Variants in GRK5 observed in about 807,000 individuals in gnomAD.
The protein encoded by GRK5 is G protein-coupled receptor kinase 5.
In GRK5, 40 loss-of-function variants were observed where a neutral mutation model predicts 78.4. The observed-to-expected ratio is 0.51, with a 90% CI of 0.40 to 0.66. The LOEUF (loss-of-function observed/expected upper bound fraction) is 0.66. Among genes scored for constraint, GRK5 ranks in the 30% least tolerant of loss-of-function variants. The pLI is 0.00. For missense variants in GRK5, 598 were observed against 759.9 expected (o/e 0.79, Z 2.50); for synonymous variants, 289 against 296.8 (o/e 0.97, Z 0.27).
At chr10:119,305,780 T>C (rs1280941700) in intron 1 of GRK5, among the ~76,000 whole-genome samples, 1 of 152,226 alleles carries the variant, frequency 6.6e-6, no homozygotes, top group Non-Finnish European at 1.5e-5. Context: ...GGAGGAATTA[T>C]TTTGACAAAA....
chr10:119,263,622 A>G (rs1849446785), intron 1 of GRK5, among the ~76,000 whole-genome samples: 2 of 152,002 alleles, frequency 1.3e-5, no homozygotes, highest in South Asian at 4.1e-4. Context: ...CCTCTCCTCC[A>G]AGTATTAAAA....
chr10:119,430,495 G>A lies in GRK5; in HGVS notation c.597+57G>A. The A allele has an allele frequency of 1.3e-6, 2 of 1,525,410 alleles. No homozygotes were observed. The allele number at this position is 1,525,410 out of a possible 1,614,324, so 94.5% of individuals were successfully genotyped here. ...TTCTTACATTCAAGTCACCTTTCCT[G>A]TCCCTTCTAAATCAACCTAAAGGGT... On this transcript the variant is annotated intron_variant, in intron 7 of 15. Transcript: ENST00000392870. This position sits in a 1 kb window ranked among gnomAD's most constrained non-coding sequence, Gnocchi z 4.5.
intron 13 of GRK5, among the ~76,000 whole-genome samples, chr10:119,451,951 T>G (rs1853296007): frequency 6.6e-6 from 1 of 152,174 alleles, no homozygotes; most frequent in African/African-American, 2.4e-5. Flanking sequence ...CACCTGGGGC[T>G]GTCTCTATAA....
intron 2 of GRK5, among the ~76,000 whole-genome samples, chr10:119,360,521 G>A (rs1028343440): frequency 1.5e-4 from 22 of 151,196 alleles, no homozygotes; most frequent in Admixed American, 1.1e-3. Flanking sequence ...TGAGTGGGAG[G>A]AGCCTGTGTG....
At chr10:119,213,623 C>G (rs1848523563) in intron 1 of GRK5, among the ~76,000 whole-genome samples, 3 of 152,144 alleles carry the variant, frequency 2.0e-5, no homozygotes, top group East Asian at 3.9e-4. Flanking sequence ...TAAAAATATT[C>G]TAAATATTGA....
rs397950981 is a variant in GRK5, at chr10:119,259,065, C to CTTT, written c.52+51111_52+51113dup. Among the ~76,000 whole-genome samples, 153 of 130,148 alleles carry CTTT rather than the reference C, an allele frequency of 1.2e-3. 4 individuals are homozygous for CTTT. In the Middle Eastern group the frequency reaches 0.013, roughly 11 times the overall value. The allele number at this position is 130,148 out of a possible 152,430, so 85.4% of individuals were successfully genotyped here. A position where few individuals can be genotyped will look rare whatever the true frequency, so the allele number is the denominator to read the frequency against. On this transcript the variant is annotated intron_variant, in intron 1 of 15. Coordinates refer to ENST00000392870, the MANE Select transcript of GRK5 (RefSeq NM_005308.3). ...TCCATGACACTCCCTCTTTCTTTTT[C>CTTT]TTTTTTTTTTTTTTTTTGAGACAGA...
chr10:119,326,431 C>T, intron 1 of GRK5, 85 bp from the exon 2 acceptor site: 1 of 1,099,174 alleles, frequency 9.1e-7, no homozygotes, highest in South Asian at 1.3e-5. Context: ...TGTCTCTCAG[C>T]CCAGGAGGCT....
chr10:119,222,528 C>T (rs190366048), intron 1 of GRK5, among the ~76,000 whole-genome samples: 32 of 152,060 alleles, frequency 2.1e-4, no homozygotes, highest in African/African-American at 7.2e-4. Flanking sequence ...AGACAAGGGC[C>T]CTACGGTTCC....
rs931982750 is a variant in GRK5 at position 119,412,738 on chromosome 10, T to A, written c.340-10428T>A. 5.3e-5 allele frequency among the ~76,000 whole-genome samples: 8 copies of A among 152,206 alleles called. No individual in the cohort carries two copies. Among genetic ancestry groups the A allele is most frequent in the Non-Finnish European group, 7.3e-5 (5 of 68,030 alleles). Reference sequence around the variant, plus strand: ...TTAAATCAACCCTCAAGTGAGGAAATGCTCTCTGCGCCTGCTGCTCAGCAA... The same window carrying A: ...TTAAATCAACCCTCAAGTGAGGAAAAGCTCTCTGCGCCTGCTGCTCAGCAA... On this transcript the variant is annotated intron_variant, in intron 4 of 15. Transcript: ENST00000392870. The surrounding 1 kb of genome is among the most constrained non-coding windows in gnomAD (Gnocchi z 4.3).
rs1341540939 is a variant in GRK5 at position 119,455,479 on chromosome 10, T to C, written c.*412T>C. ...AAAGTGAGACTTTGAGGGTGTATAT[T>C]TTCTGTGCAGCCACTGTTAAGCCAT... is the stretch of plus-strand genomic sequence containing the variant. On this transcript the variant is annotated 3_prime_UTR_variant, in exon 16 of 16. Coordinates refer to ENST00000392870, the MANE Select transcript of GRK5 (RefSeq NM_005308.3). The C allele has an allele frequency of 2.8e-6, 1 of 356,850 alleles. No individual in the cohort carries two copies. The highest frequency in any genetic ancestry group is 2.2e-5 in the African/African-American group (1 of 46,478). 22.1% of individuals were successfully genotyped at this position (356,850 alleles called of 1,614,324 possible). A position where few individuals can be genotyped will look rare whatever the true frequency, so the allele number is the denominator to read the frequency against.
At chr10:119,315,811 T>A (rs1241119344) in intron 1 of GRK5, among the ~76,000 whole-genome samples, 1 of 152,180 alleles carries the variant, frequency 6.6e-6, no homozygotes, top group Non-Finnish European at 1.5e-5. Context: ...CTGCGACACC[T>A]GAGACCCTCC....
intron 3 of GRK5, among the ~76,000 whole-genome samples, chr10:119,394,390 GTGT>G (rs1851979408): frequency 1.5e-5 from 1 of 66,170 alleles, no homozygotes; most frequent in African/African-American, 6.0e-5. Context: ...GTGTGTATCT[GTGT>G]CTGTGTGTGG....
At chr10:119,353,936 T>C (rs7084292) in intron 2 of GRK5, among the ~76,000 whole-genome samples, 1,854 of 144,132 alleles carry the variant, frequency 0.013, 26 homozygotes, top group African/African-American at 0.039. Flanking sequence ...TTCTTTCTTT[T>C]TTTTTTTTTT....
intron 1 of GRK5, among the ~76,000 whole-genome samples, chr10:119,255,591 CAG>C (rs373897925): frequency 5.3e-5 from 8 of 152,182 alleles, no homozygotes; most frequent in Non-Finnish European, 1.2e-4. Flanking sequence ...CACTGAGACT[CAG>C]AGAGCTCTGT....
intron 1 of GRK5, among the ~76,000 whole-genome samples, chr10:119,286,287 T>C (rs1485799065): frequency 2.0e-5 from 3 of 152,236 alleles, no homozygotes; most frequent in Non-Finnish European, 4.4e-5. Context: ...AGTAATCCCT[T>C]TCATTAATTG....
In GRK5 at chr10:119,399,770, G is replaced by A. The variant is rs1002586811; in HGVS notation, c.339+2998G>A. On this transcript the variant is annotated intron_variant, in intron 4 of 15. Coordinates refer to ENST00000392870, the MANE Select transcript of GRK5 (RefSeq NM_005308.3). ...TTTTTTCAATTTTCCATTCTGCTGA[G>A]CACACTTTGGGCTACAGAACACATC... Among the ~76,000 whole-genome samples, 4 of 152,090 alleles carry A rather than the reference G, an allele frequency of 2.6e-5. No individual in the cohort carries two copies. In the East Asian group the frequency reaches 7.7e-4, roughly 29 times the overall value.
At chr10:119,274,051 A>G (rs562001826) in intron 1 of GRK5, among the ~76,000 whole-genome samples, 134 of 152,164 alleles carry the variant, frequency 8.8e-4, no homozygotes, top group Admixed American at 2.2e-3. Flanking sequence ...TGGCCTATGT[A>G]TTCTTTTAAA....
chr10:119,311,452 G>A (rs1850357629), intron 1 of GRK5, among the ~76,000 whole-genome samples: 1 of 152,060 alleles, frequency 6.6e-6, no homozygotes, highest in South Asian at 2.1e-4. Context: ...GAGGGGTCCT[G>A]AGATGGGGGC....
chr10:119,351,240 T>G (rs1337885417), intron 2 of GRK5, among the ~76,000 whole-genome samples: 5 of 152,252 alleles, frequency 3.3e-5, no homozygotes. Context: ...ACAACCTAAG[T>G]TAAAGAAAGA....
Sources: allele counts gnomAD v4.1 joint callset (sites outside exome capture counted in the v4.1 genomes callset), GRCh38; gene constraint gnomAD v4.1.1; non-coding constraint Gnocchi (gnomAD v3.1); transcripts MANE v1.5; gene names NCBI Gene and HGNC (gene_info 2026-07-23, HGNC 2026-07-21).